Variants in TLE1 observed in about 807,000 individuals in gnomAD.
TLE1 encodes the protein transducin-like enhancer protein 1.
A neutral mutation model predicts 89.8 loss-of-function variants in TLE1; 21 were observed. That is an observed-to-expected ratio of 0.23 (90% CI 0.17 to 0.34). The LOEUF (loss-of-function observed/expected upper bound fraction) is 0.34, where lower values mean the gene tolerates loss of function less well. TLE1 is among the 10% of genes least tolerant of loss of function. The pLI, the probability that TLE1 is intolerant of heterozygous loss-of-function variation, is 1.00. For missense variants in TLE1, 795 were observed against 1,031.2 expected (o/e 0.77, Z 3.14); for synonymous variants, 447 against 407.6 (o/e 1.10, Z -1.16).
intron 4 of TLE1, among the ~76,000 whole-genome samples, chr9:81,679,868 G>T (rs560690659): frequency 6.6e-6 from 1 of 152,166 alleles, no homozygotes; most frequent in South Asian, 2.1e-4. Context: ...ACCACAAAAG[G>T]TTTAATAATA....
intron 4 of TLE1, among the ~76,000 whole-genome samples, chr9:81,678,282 CA>C (rs1377953240): frequency 6.6e-6 from 1 of 152,146 alleles, no homozygotes; most frequent in Admixed American, 6.5e-5. Flanking sequence ...GATCACAGCT[CA>C]CTATAACCTC....
chr9:81,643,152 A>C (rs1039015220), intron 6 of TLE1, among the ~76,000 whole-genome samples: 2 of 152,186 alleles, frequency 1.3e-5, no homozygotes, highest in African/African-American at 4.8e-5. Flanking sequence ...TTTCCAAGGT[A>C]CAACACGGTG....
At chr9:81,649,859 C>T (rs919171399) in intron 6 of TLE1, among the ~76,000 whole-genome samples, 5 of 152,164 alleles carry the variant, frequency 3.3e-5, no homozygotes, top group African/African-American at 9.7e-5. Flanking sequence ...TTTTCCAGAA[C>T]GCACACAATT....
intron 6 of TLE1, among the ~76,000 whole-genome samples, chr9:81,648,606 C>T (rs1202747574): frequency 6.6e-6 from 1 of 152,206 alleles, no homozygotes; most frequent in Non-Finnish European, 1.5e-5. Flanking sequence ...CCAATCCCAA[C>T]TGAAATCAAT....
At chr9:81,680,969 A>T (rs1833546502) in intron 4 of TLE1, among the ~76,000 whole-genome samples, 1 of 151,932 alleles carries the variant, frequency 6.6e-6, no homozygotes, top group Non-Finnish European at 1.5e-5. Context: ...TAAAATTTGC[A>T]AAAGAGTAAA....
chr9:81,641,224 T>C (rs1166747393), intron 6 of TLE1, among the ~76,000 whole-genome samples: 1 of 33,202 alleles, frequency 3.0e-5, no homozygotes, highest in Non-Finnish European at 6.5e-5. Flanking sequence ...AATAAATAAA[T>C]AAAAATAAAG....
chr9:81,597,397 A>G (rs1830366641), intron 14 of TLE1, among the ~76,000 whole-genome samples: 1 of 152,226 alleles, frequency 6.6e-6, no homozygotes, highest in African/African-American at 2.4e-5. Context: ...TCAGGAAAGC[A>G]CAAGGGCAGT....
chr9:81,687,244 G>T (rs1029410650), intron 2 of TLE1, 90 bp downstream of exon 2: 1 of 1,065,980 alleles, frequency 9.4e-7, no homozygotes, highest in Non-Finnish European at 1.4e-6. Flanking sequence ...CTGGACGCAA[G>T]AACTAAGTAC....
chr9:81,687,711 C>A (rs1034979759), intron 1 of TLE1, among the ~76,000 whole-genome samples: 4 of 151,882 alleles, frequency 2.6e-5, no homozygotes, highest in Non-Finnish European at 4.4e-5. Flanking sequence ...AGGGGGCTCC[C>A]CGGCGGCCAG....
intron 9 of TLE1, among the ~76,000 whole-genome samples, chr9:81,617,014 G>T (rs915830430): frequency 6.6e-6 from 1 of 152,060 alleles, no homozygotes. Flanking sequence ...GTAAATGGTT[G>T]CAACAGCTGA....
At chr9:81,587,907 C>A in intron 16 of TLE1, 79 bp from the exon 17 acceptor site, 1 of 752,282 alleles carries the variant, frequency 1.3e-6, no homozygotes, top group Non-Finnish European at 2.0e-6. Context: ...AGTTTTGGAC[C>A]GTGTGTGTGT....
chr9:81,687,310 C>G (rs745483064), intron 2 of TLE1, 24 bp downstream of exon 2: 3 of 1,583,786 alleles, frequency 1.9e-6, no homozygotes, highest in African/African-American at 2.7e-5. Context: ...CGCGACCACT[C>G]GCATGGCGCG....
intron 8 of TLE1, among the ~76,000 whole-genome samples, chr9:81,622,903 C>T (rs1443681106): frequency 2.0e-5 from 3 of 152,180 alleles, no homozygotes; most frequent in African/African-American, 4.8e-5. Flanking sequence ...AGCTGCCGGA[C>T]GCCCGGCAGG....
At chr9:81,671,412 C>T (rs939771658) in intron 4 of TLE1, among the ~76,000 whole-genome samples, 2 of 151,748 alleles carry the variant, frequency 1.3e-5, no homozygotes, top group Non-Finnish European at 2.9e-5. Flanking sequence ...TTTGGGAGGC[C>T]AAGGTGGGCG....
chr9:81,681,286 A>G (rs1407694002), intron 4 of TLE1, among the ~76,000 whole-genome samples: 1 of 152,164 alleles, frequency 6.6e-6, no homozygotes, highest in Non-Finnish European at 1.5e-5. Context: ...ACAGTGGTTT[A>G]TGCCTGTAAT....
At chr9:81,663,442 T>C (rs1031040809) in intron 4 of TLE1, among the ~76,000 whole-genome samples, 1 of 152,138 alleles carries the variant, frequency 6.6e-6, no homozygotes, top group Non-Finnish European at 1.5e-5. Flanking sequence ...AACTCGGCCC[T>C]GCCTGCAAAG....
At chr9:81,673,270 T>C (rs79258562) in intron 4 of TLE1, among the ~76,000 whole-genome samples, 1 of 61,846 alleles carries the variant, frequency 1.6e-5, no homozygotes, top group African/African-American at 6.4e-5. Context: ...CGAGACTTCA[T>C]TTAAAAAAAA....
chr9:81,667,430 A>G (rs954086299), intron 4 of TLE1, among the ~76,000 whole-genome samples: 30 of 151,960 alleles, frequency 2.0e-4, no homozygotes, highest in Non-Finnish European at 3.4e-4. Context: ...GTTACCTCTG[A>G]ATGTTTCCCT....
At chr9:81,678,432 C>A (rs1305496724) in intron 4 of TLE1, among the ~76,000 whole-genome samples, 1 of 152,118 alleles carries the variant, frequency 6.6e-6, no homozygotes, top group Non-Finnish European at 1.5e-5. Flanking sequence ...GTTGGCCAGG[C>A]TGGTCTCTAA....
Sources: allele counts gnomAD v4.1 joint callset (sites outside exome capture counted in the v4.1 genomes callset), GRCh38; gene constraint gnomAD v4.1.1; transcripts MANE v1.5; gene names NCBI Gene and HGNC (gene_info 2026-07-23, HGNC 2026-07-21).